The following VGLL4 variants were observed in gnomAD, a reference collection of about 807,000 sequenced individuals.
VGLL4 encodes vestigial like family member 4, also known as transcription cofactor vestigial-like protein 4.
VGLL4 carries 7 observed loss-of-function variants against 21.0 expected under a neutral mutation model. That is an observed-to-expected ratio of 0.33 (90% confidence interval 0.19 to 0.63). The LOEUF (loss-of-function observed/expected upper bound fraction) is 0.63. VGLL4 is among the 20% of genes least tolerant of loss of function. The pLI is 0.78. For missense variants in VGLL4, 394 were observed against 425.7 expected, an observed-to-expected ratio of 0.93 and a Z score of 0.66; for synonymous variants, 222 against 173.2, an observed-to-expected ratio of 1.28 and a Z score of -2.21.
chr3:11,693,931 C>T (rs529505566), intron 2 of VGLL4, among the ~76,000 whole-genome samples: 13 of 152,150 alleles, frequency 8.5e-5, no homozygotes, highest in Admixed American at 8.5e-4. Flanking sequence ...AAGTCTTTCC[C>T]GTCCTCTGGG....
At chr3:11,686,104 T>C (rs1200456313) in intron 2 of VGLL4, among the ~76,000 whole-genome samples, 1 of 152,206 alleles carries the variant, frequency 6.6e-6, no homozygotes, top group Non-Finnish European at 1.5e-5. Flanking sequence ...GTCCAGTCTC[T>C]ATGGAAAACA....
intron 2 of VGLL4, among the ~76,000 whole-genome samples, chr3:11,579,009 A>G (rs1023919230): frequency 6.6e-6 from 1 of 151,986 alleles, no homozygotes. Context: ...CAGCCTCCCA[A>G]AGTGCTGGGA....
rs759463927 is a variant in VGLL4, at chr3:11,601,834, G to A, written c.271C>T (p.Leu91=). The part of the protein sequence containing the change: ...SKMSRIFNPH[L]NKTANGDCRR... Reference sequence around the variant, plus strand: ...CAAAATAAGAACAGAGGAACTCACAGATGGGGGTTGAAGATGCGACTCATT... The same window carrying A: ...CAAAATAAGAACAGAGGAACTCACAAATGGGGGTTGAAGATGCGACTCATT... The change falls in exon 2 of 5, where the codon CTG becomes TTG. Residue 91 remains leucine (L), a splice_region_variant and synonymous_variant. Coordinates refer to ENST00000430365, the MANE Select transcript of VGLL4 (RefSeq NM_001128219.3). 2.5e-6 allele frequency: 4 copies of A among 1,613,618 alleles called. No homozygotes were observed. Among genetic ancestry groups the A allele is most frequent in the Admixed American group, 3.3e-5 (2 of 59,944 alleles).
intron 2 of VGLL4, among the ~76,000 whole-genome samples, chr3:11,693,867 G>A (rs1477512331): frequency 2.0e-5 from 3 of 151,986 alleles, no homozygotes; most frequent in Non-Finnish European, 4.4e-5. Flanking sequence ...TGATAGATTA[G>A]TGAAGGTAGT....
intron 2 of VGLL4, among the ~76,000 whole-genome samples, chr3:11,689,899 C>T (rs954896768): frequency 5.9e-5 from 9 of 152,182 alleles, no homozygotes; most frequent in African/African-American, 1.7e-4. Context: ...TGGCGAAGGA[C>T]GTTCACAGAT....
At chr3:11,712,878 A>G (rs1398234900) in intron 1 of VGLL4, among the ~76,000 whole-genome samples, 3 of 152,182 alleles carry the variant, frequency 2.0e-5, no homozygotes, top group African/African-American at 4.8e-5. Flanking sequence ...CACGCAAACC[A>G]TGGTATATTT....
At chr3:11,707,751 CGGGAGGCTGAGGT>C (rs2076783088) in intron 1 of VGLL4, among the ~76,000 whole-genome samples, 1 of 152,136 alleles carries the variant, frequency 6.6e-6, no homozygotes, top group East Asian at 1.9e-4. Flanking sequence ...CCCAGCTACT[CGGGAGGCTGAGGT>C]GGGAGGCTCC....
intron 2 of VGLL4, among the ~76,000 whole-genome samples, chr3:11,674,363 G>A (rs897440045): frequency 1.3e-5 from 2 of 152,160 alleles, no homozygotes; most frequent in Non-Finnish European, 2.9e-5. Context: ...TCCCAGACAC[G>A]GAACTGCGGC....
At chr3:11,688,204 C>T (rs959044359) in intron 2 of VGLL4, among the ~76,000 whole-genome samples, 1 of 152,080 alleles carries the variant, frequency 6.6e-6, no homozygotes, top group African/African-American at 2.4e-5. Flanking sequence ...TTTTATTTAA[C>T]TTTGTACTCT....
Position 11,604,388 on chromosome 3 carries a change from G to A in VGLL4, c.83-2366C>T. 3.1e-6 allele frequency: 3 copies of A among 956,804 alleles called. 1 individual carries two copies. The highest frequency in any genetic ancestry group is 1.8e-5 in the African/African-American group (1 of 54,972). The allele number at this position is 956,804 out of a possible 1,614,324, so 59.3% of individuals were successfully genotyped here. On this transcript the variant is annotated intron_variant, in intron 1 of 4. Coordinates refer to ENST00000430365, the MANE Select transcript of VGLL4 (RefSeq NM_001128219.3). ...CCCATGGCCTCTGCAATCAGACAAC[G>A]CCTCATCCTAAGACTGTGCAGCCTC...
At chr3:11,674,683 G>A (rs991814074) in intron 2 of VGLL4, among the ~76,000 whole-genome samples, 2 of 152,080 alleles carry the variant, frequency 1.3e-5, no homozygotes, top group Non-Finnish European at 2.9e-5. Context: ...AAGGAAACAC[G>A]GATTAAAAAG....
chr3:11,624,684 A>G (rs1485531261), intron 1 of VGLL4, among the ~76,000 whole-genome samples: 2 of 152,196 alleles, frequency 1.3e-5, no homozygotes, highest in Non-Finnish European at 2.9e-5. Flanking sequence ...TTTGCACAAC[A>G]AAACAACTCA....
chr3:11,558,599 G>T lies in VGLL4; in HGVS notation c.848C>A (p.Ala283Asp). 1 of 1,605,712 alleles carries T rather than the reference G, an allele frequency of 6.2e-7. No individual in the cohort carries two copies. ...SRRGQPASPS[A>D]HMVSHSHSPS... is the part of the protein sequence containing the mutation. ...GGAGTGACTGTGGCTGACCATGTGG[G>T]CAGAGGGGCTGGCGGGCTGGCCCCT... Residue 283 changes from alanine to aspartate, a missense_variant, in exon 5 of 5, where the codon GCC becomes GAC. Ala to Asp is a moderately radical substitution (Grantham distance 126, BLOSUM62 -2). Coordinates refer to ENST00000430365, the MANE Select transcript of VGLL4 (RefSeq NM_001128219.3).
At chr3:11,666,543 G>A (rs370904970) in intron 2 of VGLL4, among the ~76,000 whole-genome samples, 36 of 152,328 alleles carry the variant, frequency 2.4e-4, no homozygotes, top group African/African-American at 8.4e-4. Flanking sequence ...ATGGCAAAAA[G>A]TGATCAGATG....
chr3:11,643,944 C>T (rs990019726), upstream of VGLL4: 16 of 993,232 alleles, frequency 1.6e-5, no homozygotes, highest in Non-Finnish European at 1.8e-5. Flanking sequence ...GCCGCCGCTT[C>T]CTCTTCCCGC....
intron 2 of VGLL4, among the ~76,000 whole-genome samples, chr3:11,566,855 C>T (rs2073557077): frequency 2.6e-5 from 4 of 152,274 alleles, no homozygotes; most frequent in Admixed American, 6.5e-5. Flanking sequence ...TGTCTCATTA[C>T]GCTTGCTACC....
intron 2 of VGLL4, among the ~76,000 whole-genome samples, chr3:11,588,612 G>A (rs1408437522): frequency 6.6e-6 from 1 of 152,244 alleles, no homozygotes; most frequent in Admixed American, 6.5e-5. Context: ...CAAACAGGGG[G>A]CTAAACTACA....
intron 1 of VGLL4, among the ~76,000 whole-genome samples, chr3:11,639,854 C>T (rs867312861): frequency 6.6e-6 from 1 of 151,530 alleles, no homozygotes; most frequent in East Asian, 1.9e-4. Flanking sequence ...CTAGTCTGGG[C>T]GACAGAGCAA....
intron 1 of VGLL4, among the ~76,000 whole-genome samples, chr3:11,636,495 T>C (rs1247731708): frequency 2.0e-5 from 3 of 152,226 alleles, no homozygotes; most frequent in Non-Finnish European, 2.9e-5. Flanking sequence ...CTATACAATA[T>C]AGGGTATTGT....
Sources: allele counts gnomAD v4.1 joint callset (sites outside exome capture counted in the v4.1 genomes callset), GRCh38; gene constraint gnomAD v4.1.1; transcripts MANE v1.5; gene names NCBI Gene and HGNC (gene_info 2026-07-23, HGNC 2026-07-21).